MYO9B: variants seen among roughly 807,000 people sequenced by gnomAD.
MYO9B encodes myosin IXB, also known as unconventional myosin-IXb.
In MYO9B, 71 loss-of-function variants were observed where a neutral mutation model predicts 229.5. The observed-to-expected ratio is 0.31, with a 90% CI of 0.26 to 0.38. MYO9B has a LOEUF of 0.38. Among genes scored for constraint, MYO9B ranks in the 10% least tolerant of loss-of-function variants. The pLI is 1.00. For missense variants in MYO9B, 2,255 were observed against 2,920.5 expected (o/e 0.77, Z 5.25); for synonymous variants, 1,185 against 1,235.8 (o/e 0.96, Z 0.86).
rs1055239174 is a variant in MYO9B, at chr19:17,080,116, C to T, written c.-59+4242C>T. Reference sequence around the variant, plus strand: ...GATTCAAGGGTTCAGCCCATGGGTTCGTCGGAGTGATGAATAAGATATCCT... The same window carrying T: ...GATTCAAGGGTTCAGCCCATGGGTTTGTCGGAGTGATGAATAAGATATCCT... On this transcript the variant is annotated intron_variant, in intron 1 of 39. Coordinates refer to ENST00000682292, the MANE Select transcript of MYO9B (RefSeq NM_004145.4). Among the ~76,000 whole-genome samples, 9 of 152,270 alleles carry T rather than the reference C, an allele frequency of 5.9e-5. No homozygotes were observed. The South Asian group carries it at 8.3e-4, about 14-fold the overall frequency.
At chr19:17,200,599 CT>C (rs765601061) in intron 25 of MYO9B, 39 bp from the exon 26 acceptor site, 38 of 1,574,106 alleles carry the variant, frequency 2.4e-5, no homozygotes, top group Non-Finnish European at 3.1e-5. Context: ...CATCCTCCCC[CT>C]GAACCCACCC....
At position 17,192,835 on chromosome 19, in the gene MYO9B, C is replaced by G; in HGVS notation, c.2901C>G (p.Phe967Leu). 1 of 1,553,874 alleles carries G rather than the reference C, an allele frequency of 6.4e-7. No homozygotes were observed. Among genetic ancestry groups the G allele is most frequent in the East Asian group, 2.4e-5 (1 of 41,076 alleles). The change falls in exon 21 of 40, where the codon TTC becomes TTG. Residue 967 changes from phenylalanine to leucine, a missense_variant. Around this residue, in one of 7 missense-constraint regions of MYO9B, gnomAD observed 679 missense variants for 770.2 expected, o/e 0.88. Coordinates refer to ENST00000682292, the MANE Select transcript of MYO9B (RefSeq NM_004145.4). ...AAATCCTGCTGCTGCAGAGCTGGTTCCGGATGGTGCTGGAGCGTCGGCACT... is the reference window on the plus strand; with the variant it reads ...AAATCCTGCTGCTGCAGAGCTGGTTGCGGATGGTGCTGGAGCGTCGGCACT... ...VRKILLLQSW[F>L]RMVLERRHFL...
chr19:17,171,230 A>G (rs1279661400), intron 11 of MYO9B, among the ~76,000 whole-genome samples: 1 of 152,164 alleles, frequency 6.6e-6, no homozygotes, highest in African/African-American at 2.4e-5. Flanking sequence ...TATTTTCAAA[A>G]GTGGGGCCGG....
intron 17 of MYO9B, 66 bp downstream of exon 17, chr19:17,185,053 G>A (rs776028543): frequency 7.1e-5 from 114 of 1,606,254 alleles, no homozygotes; most frequent in Non-Finnish European, 9.0e-5. Flanking sequence ...AGCTTCACCC[G>A]ACACCGAGCA....
At position 17,193,558 on chromosome 19, in the gene MYO9B, C is replaced by T. The variant is rs1294404686; in HGVS notation, c.3128+496C>T. Among the ~76,000 whole-genome samples, 1 of 152,156 alleles carries T rather than the reference C, an allele frequency of 6.6e-6. No homozygotes were observed. ...TCTGCCACAAGTCAGGTCCCAGCTC[C>T]CGGAGCAGGCCCTACCCACACATGC... On this transcript the variant is annotated intron_variant, in intron 21 of 39. Transcript: ENST00000682292. This position sits in a 1 kb window ranked among gnomAD's most constrained non-coding sequence, Gnocchi z 4.3.
At chr19:17,134,422 C>T (rs148975874) in intron 2 of MYO9B, among the ~76,000 whole-genome samples, 186 of 108,584 alleles carry the variant, frequency 1.7e-3, no homozygotes, top group African/African-American at 6.3e-3. Context: ...GACAGACTCT[C>T]GCTCTGTCAC....
rs1205913180 is a variant in MYO9B at position 17,205,994 on chromosome 19, T to C, written c.5099T>C (p.Val1700Ala). The C allele has an allele frequency of 1.3e-6, 2 of 1,590,940 alleles. No individual in the cohort carries two copies. Among genetic ancestry groups the C allele is most frequent in the African/African-American group, 1.3e-5 (1 of 74,556 alleles). ...EPGVEPGHFG[V>A]CVDSLTSDKA... ...GGCGTTGAGCCTGGCCACTTCGGCG[T>C]GTGCGTAGACAGCCTGACCAGCGAC... The change falls in exon 32 of 40, where the codon GTG becomes GCG. Residue 1700 changes from valine to alanine, a missense_variant. Val to Ala is a moderately conservative substitution (Grantham distance 64, BLOSUM62 0). Transcript: ENST00000682292.
chr19:17,088,483 C>T (rs1259170425), intron 1 of MYO9B, among the ~76,000 whole-genome samples: 4 of 152,146 alleles, frequency 2.6e-5, no homozygotes, highest in Non-Finnish European at 5.9e-5. Context: ...GTTTCTTGGC[C>T]CTGCTGGCTC....
At chr19:17,176,179 G>A (rs947678031) in intron 14 of MYO9B, among the ~76,000 whole-genome samples, 28 of 152,180 alleles carry the variant, frequency 1.8e-4, no homozygotes, top group African/African-American at 5.8e-4. Context: ...ACAGGCACCC[G>A]CCACCACACC....
At chr19:17,076,659 A>G (rs1026957488) in intron 1 of MYO9B, among the ~76,000 whole-genome samples, 4 of 152,144 alleles carry the variant, frequency 2.6e-5, no homozygotes, top group Non-Finnish European at 1.5e-5. Flanking sequence ...ACGAGTCCCA[A>G]CACCCTCTGT....
intron 24 of MYO9B, among the ~76,000 whole-genome samples, chr19:17,199,871 G>T (rs1443249835): frequency 1.4e-4 from 20 of 138,694 alleles, no homozygotes; most frequent in Admixed American, 1.1e-3. Flanking sequence ...TTTGTTTTTT[G>T]TTTTTTTTTT....
chr19:17,162,523 C>A, intron 9 of MYO9B, 57 bp downstream of exon 9: 1 of 1,428,992 alleles, frequency 7.0e-7, no homozygotes, highest in Non-Finnish European at 9.6e-7. Context: ...ATCCTCACTA[C>A]CAATATCCTT....
intron 18 of MYO9B, among the ~76,000 whole-genome samples, chr19:17,186,343 C>T (rs1047662582): frequency 4.6e-5 from 7 of 152,138 alleles, no homozygotes; most frequent in Non-Finnish European, 4.4e-5. Flanking sequence ...ACACACAGCC[C>T]GCTGCTCACA....
intron 2 of MYO9B, among the ~76,000 whole-genome samples, chr19:17,136,961 G>A (rs2072277903): frequency 6.6e-6 from 1 of 152,150 alleles, no homozygotes; most frequent in African/African-American, 2.4e-5. Flanking sequence ...CAGGCACAGA[G>A]GCTCACGCCT....
At chr19:17,156,082 C>A (rs571428563) in intron 6 of MYO9B, among the ~76,000 whole-genome samples, 1 of 151,768 alleles carries the variant, frequency 6.6e-6, no homozygotes, top group South Asian at 2.1e-4. Context: ...GACAACATAG[C>A]CAGTGACTGG....
At chr19:17,188,066 C>G (rs746738140) in intron 19 of MYO9B, 21 bp downstream of exon 19, 3 of 1,541,966 alleles carry the variant, frequency 1.9e-6, no homozygotes, top group Non-Finnish European at 2.6e-6. Flanking sequence ...AGCACATATA[C>G]CTGGACACAC....
At chr19:17,077,214 T>C (rs1467602084) in intron 1 of MYO9B, among the ~76,000 whole-genome samples, 1 of 152,176 alleles carries the variant, frequency 6.6e-6, no homozygotes, top group African/African-American at 2.4e-5. Flanking sequence ...TGGCATTCAT[T>C]TCTCCCCTTT....
Position 17,187,988 on chromosome 19 carries a change from C to G in MYO9B, c.2631C>G (p.Gly877=), listed in dbSNP as rs1251517050. The G allele has an allele frequency of 1.2e-6, 2 of 1,602,430 alleles. No individual in the cohort carries two copies. The highest frequency in any genetic ancestry group is 2.3e-5 in the East Asian group (1 of 44,290). ...TCCTGCAGCAGCTGCGCTACACCGG[C>G]ATGCTGGAGACCGTGCGCATCCGGA... The part of the protein sequence containing the change: ...ELVLQQLRYT[G]MLETVRIRRS... The change falls in exon 19 of 40, where the codon GGC becomes GGG. Residue 877 remains glycine (G), a synonymous_variant. Transcript: ENST00000682292.
chr19:17,175,833 T>TTC (rs2072781255), intron 14 of MYO9B, 92 bp downstream of exon 14: 1 of 990,248 alleles, frequency 1.0e-6, no homozygotes, highest in East Asian at 3.1e-5. Context: ...TCTTTTTTTT[T>TTC]TTTTTTTTTT....
Sources: allele counts gnomAD v4.1 joint callset (sites outside exome capture counted in the v4.1 genomes callset), GRCh38; gene constraint gnomAD v4.1.1; regional missense constraint gnomAD v4.1.1; non-coding constraint Gnocchi (gnomAD v3.1); transcripts MANE v1.5; gene names NCBI Gene and HGNC (gene_info 2026-07-23, HGNC 2026-07-21).